Variants in GALK2 observed in about 807,000 individuals in gnomAD.
GALK2 encodes the protein galactokinase 2, also known as N-acetylgalactosamine kinase.
GALK2 carries 36 observed loss-of-function variants against 52.4 expected under a neutral mutation model. The ratio of observed to expected loss-of-function variants is 0.69; its 90% CI spans 0.53 to 0.91. The LOEUF is 0.91. Among genes scored for constraint, GALK2 ranks in the 40% least tolerant of loss-of-function variants. The pLI, the probability that GALK2 is intolerant of heterozygous loss-of-function variation, is 0.00. For missense variants in GALK2, 579 were observed against 559.1 expected (o/e 1.04, Z -0.36); for synonymous variants, 176 against 199.1 (o/e 0.88, Z 0.98).
intron 2 of GALK2, among the ~76,000 whole-genome samples, chr15:49,204,562 T>G (rs1471920153): frequency 1.3e-5 from 2 of 152,172 alleles, no homozygotes; most frequent in Non-Finnish European, 1.5e-5. Flanking sequence ...TTGGTTAAAT[T>G]TATTCCTAGA....
chr15:49,204,103 CAAAAA>C (rs373448754), intron 2 of GALK2, among the ~76,000 whole-genome samples: 1 of 103,566 alleles, frequency 9.7e-6, no homozygotes, highest in African/African-American at 3.5e-5. Flanking sequence ...GATTCTGTCT[CAAAAA>C]AAAAAAAAAA....
At chr15:49,265,335 A>G (rs2413941) in intron 5 of GALK2, among the ~76,000 whole-genome samples, 62,586 of 152,120 alleles carry the variant, frequency 0.41, 13,043 homozygotes, top group African/African-American at 0.43. Flanking sequence ...CTGCTGTGCT[A>G]GCAATCAGCG....
intron 1 of GALK2, among the ~76,000 whole-genome samples, chr15:49,192,491 A>ATATATATATATATATATG (rs2086822447): frequency 7.9e-5 from 2 of 25,422 alleles, no homozygotes; most frequent in African/African-American, 2.2e-4. Flanking sequence ...ATATGTATAT[A>ATATATATATATATATATG]TATATATATA....
intron 5 of GALK2, among the ~76,000 whole-genome samples, chr15:49,279,630 C>G (rs2032402747): frequency 6.6e-6 from 1 of 152,138 alleles, no homozygotes; most frequent in Admixed American, 6.5e-5. Context: ...ATGCAAGGTA[C>G]TTAGTATACT....
chr15:49,250,992 C>A (rs1247134134), intron 5 of GALK2, among the ~76,000 whole-genome samples: 1 of 152,048 alleles, frequency 6.6e-6, no homozygotes, highest in Non-Finnish European at 1.5e-5. Flanking sequence ...AAATGTCATG[C>A]AAAAGTAGCA....
chr15:49,217,416 T>C (rs1281248542), intron 3 of GALK2, 103 bp downstream of exon 3: 10 of 1,127,274 alleles, frequency 8.9e-6, no homozygotes, highest in Non-Finnish European at 1.2e-5. Flanking sequence ...TTTAACTTAT[T>C]GATATTTTGT....
chr15:49,259,904 A>G (rs1265919021), intron 5 of GALK2, among the ~76,000 whole-genome samples: 2 of 151,952 alleles, frequency 1.3e-5, no homozygotes, highest in African/African-American at 4.8e-5. Context: ...TACAAAGGAT[A>G]TGAACTCATC....
chr15:49,223,794 G>A (rs1327510245), intron 3 of GALK2, among the ~76,000 whole-genome samples: 2 of 151,912 alleles, frequency 1.3e-5, no homozygotes, highest in Non-Finnish European at 2.9e-5. Flanking sequence ...CACCATTGAT[G>A]GGCACCTGCG....
intron 2 of GALK2, among the ~76,000 whole-genome samples, chr15:49,215,889 A>G (rs1296208439): frequency 6.6e-6 from 1 of 152,170 alleles, no homozygotes; most frequent in Non-Finnish European, 1.5e-5. Context: ...AAGGCTTTTC[A>G]TGTATTCAAA....
rs776016532 is a variant in GALK2, at chr15:49,328,675, G to A, written c.*516G>A. The stretch of plus-strand genomic sequence containing the variant: ...TCTCTCTCAATTTCAGCTTCGGAAC[G>A]CTATGAAAATAATACATGATTAAAG... On this transcript the variant is annotated 3_prime_UTR_variant, in exon 10 of 10. Transcript: ENST00000560031. 3.2e-5 allele frequency: 49 copies of A among 1,554,748 alleles called. No homozygotes were observed. The East Asian group carries it at 5.5e-4, about 18-fold the overall frequency.
chr15:49,295,874 T>C (rs1258396937), intron 8 of GALK2, among the ~76,000 whole-genome samples: 1 of 152,218 alleles, frequency 6.6e-6, no homozygotes, highest in Non-Finnish European at 1.5e-5. Context: ...TCTGTATCCA[T>C]CTTCCTTTCT....
chr15:49,165,819 T>C (rs2084801628), upstream of GALK2, among the ~76,000 whole-genome samples: 1 of 145,366 alleles, frequency 6.9e-6, no homozygotes, highest in Non-Finnish European at 1.5e-5. Context: ...TTTTTTTTTA[T>C]TGAGACGGAG....
intron 3 of GALK2, chr15:49,226,557 G>T (rs536239829): frequency 2.7e-5 from 4 of 150,810 alleles, no homozygotes; most frequent in Non-Finnish European, 5.9e-5. Flanking sequence ...AACCCTTTAT[G>T]TTTTTTTTTA....
intron 1 of GALK2, among the ~76,000 whole-genome samples, chr15:49,186,614 A>C (rs967454124): frequency 1.4e-4 from 20 of 145,384 alleles, no homozygotes; most frequent in Non-Finnish European, 2.7e-4. Context: ...ATCTCAGCTC[A>C]CTGCAACCTC....
chr15:49,266,376 G>A (rs1177874794), intron 5 of GALK2, among the ~76,000 whole-genome samples: 2 of 152,118 alleles, frequency 1.3e-5, no homozygotes, highest in Non-Finnish European at 2.9e-5. Context: ...GCAAGGGAAC[G>A]GAAACAGAGA....
chr15:49,236,505 G>A (rs2663088), intron 4 of GALK2, among the ~76,000 whole-genome samples: 51,856 of 151,986 alleles, frequency 0.34, 9,432 homozygotes, highest in East Asian at 0.58. Flanking sequence ...AAATGTATTA[G>A]TATAAGTATT....
Position 49,301,218 on chromosome 15 carries a change from T to C in GALK2, c.967+8681T>C, listed in dbSNP as rs569433984. Among the ~76,000 whole-genome samples, 5 of 152,288 alleles carry C rather than the reference T, an allele frequency of 3.3e-5. No individual in the cohort carries two copies. The South Asian group carries it at 8.3e-4, about 25-fold the overall frequency. On this transcript the variant is annotated intron_variant, in intron 8 of 9. Transcript: ENST00000560031. Reference sequence around the variant, plus strand: ...AACTAGCCAGACTTCCAAAGGCCCATGCGCAGTTCTTATTTTCTGTTTCCA... The same window carrying C: ...AACTAGCCAGACTTCCAAAGGCCCACGCGCAGTTCTTATTTTCTGTTTCCA...
intron 3 of GALK2, among the ~76,000 whole-genome samples, chr15:49,359,899 C>T (rs1238335399): frequency 6.8e-6 from 1 of 147,862 alleles, no homozygotes; most frequent in Non-Finnish European, 1.5e-5. Context: ...CCATGGAATA[C>T]TACGCAGCCA....
At chr15:49,358,583 A>G (rs1596492837) in intron 3 of GALK2, among the ~76,000 whole-genome samples, 2 of 149,706 alleles carry the variant, frequency 1.3e-5, no homozygotes, top group East Asian at 3.9e-4. Flanking sequence ...CAAGGAAATA[A>G]AAGAGGATAC....
Sources: gnomAD v4.1 joint callset for allele counts (sites outside exome capture counted in the v4.1 genomes callset) on GRCh38, gnomAD v4.1.1 for gene constraint, MANE v1.5 for transcripts, NCBI Gene and HGNC (gene_info 2026-07-23, HGNC 2026-07-21) for gene names.